Variants in EPHA3 observed in about 807,000 individuals in gnomAD.
EPHA3 encodes EPH receptor A3.
EPHA3 carries 42 observed loss-of-function variants against 107.1 expected under a neutral mutation model. The ratio of observed to expected loss-of-function variants is 0.39; its 90% CI spans 0.31 to 0.51. The LOEUF (loss-of-function observed/expected upper bound fraction) is 0.51, where lower values mean the gene tolerates loss of function less well. Among genes scored for constraint, EPHA3 ranks in the 20% least tolerant of loss-of-function variants. The probability of loss-of-function intolerance (pLI) is 0.78; values close to 1 mark genes in which losing one functional copy is unlikely to be tolerated. For synonymous variants in EPHA3, 461 were observed against 424.8 expected (o/e 1.09, Z -1.05); for missense variants, 1,183 against 1,211.2 (o/e 0.98, Z 0.35).
intron 1 of EPHA3, among the ~76,000 whole-genome samples, chr3:89,123,764 A>G (rs1399782076): frequency 1.3e-5 from 2 of 152,232 alleles, no homozygotes; most frequent in East Asian, 3.8e-4. Context: ...TAGAATCATG[A>G]CATTTAAAAA....
intron 2 of EPHA3, among the ~76,000 whole-genome samples, chr3:89,143,119 C>G (rs1468662277): frequency 6.6e-6 from 1 of 151,142 alleles, no homozygotes; most frequent in African/African-American, 2.4e-5. Context: ...TTTATAAAAT[C>G]TTTAAGTCCG....
chr3:89,215,118 T>C (rs990770834), intron 3 of EPHA3, among the ~76,000 whole-genome samples: 1 of 151,902 alleles, frequency 6.6e-6, no homozygotes, highest in East Asian at 1.9e-4. Context: ...CACCTGACTC[T>C]GGATAGAGCT....
chr3:89,354,174 C>A (rs1707895412), intron 5 of EPHA3, among the ~76,000 whole-genome samples: 1 of 151,116 alleles, frequency 6.6e-6, no homozygotes, highest in African/African-American at 2.4e-5. Flanking sequence ...ACAATAAAAT[C>A]ATATTTTATA....
chr3:89,155,686 C>G (rs1478412779), intron 2 of EPHA3, among the ~76,000 whole-genome samples: 1 of 151,966 alleles, frequency 6.6e-6, no homozygotes, highest in Admixed American at 6.6e-5. Context: ...TTTACAATTA[C>G]GTTTTAATAA....
At position 89,265,835 on chromosome 3, in the gene EPHA3, T is replaced by C. The variant is rs78579869; in HGVS notation, c.814+55315T>C. Among the ~76,000 whole-genome samples the C allele has an allele frequency of 3.6e-4, 55 of 152,250 alleles. 1 individual carries two copies. Among genetic ancestry groups the C allele is most frequent in the South Asian group, 1.0e-3 (5 of 4,820 alleles). ...AGATACCTGGGCAACCTTCTTTTTG[T>C]ACCCTCTTCCTCCATGTCAAGTTTC... On this transcript the variant is annotated intron_variant, in intron 3 of 16. Coordinates refer to ENST00000336596, the MANE Select transcript of EPHA3 (RefSeq NM_005233.6).
chr3:89,194,543 T>C (rs754177003), intron 2 of EPHA3, among the ~76,000 whole-genome samples: 5 of 152,104 alleles, frequency 3.3e-5, no homozygotes, highest in African/African-American at 1.2e-4. Flanking sequence ...CAATCTCCTA[T>C]AGAATCTATT....
chr3:89,401,204 G>A (rs974302142), intron 7 of EPHA3, among the ~76,000 whole-genome samples: 5 of 152,128 alleles, frequency 3.3e-5, no homozygotes, highest in African/African-American at 9.6e-5. Flanking sequence ...ACTTTCTGTC[G>A]GACAATTAGA....
intron 3 of EPHA3, among the ~76,000 whole-genome samples, chr3:89,216,401 A>G (rs1275268073): frequency 6.6e-6 from 1 of 151,916 alleles, no homozygotes; most frequent in African/African-American, 2.4e-5. Context: ...TCCAAGAAAA[A>G]GACATATCTA....
intron 3 of EPHA3, among the ~76,000 whole-genome samples, chr3:89,236,591 G>A (rs1371636398): frequency 2.6e-5 from 2 of 76,242 alleles, no homozygotes; most frequent in African/African-American, 1.3e-4. Context: ...TGGGGTGGGG[G>A]GAGGGGGGAG....
intron 3 of EPHA3, among the ~76,000 whole-genome samples, chr3:89,251,801 A>G (rs1367371813): frequency 6.6e-6 from 1 of 152,140 alleles, no homozygotes; most frequent in Non-Finnish European, 1.5e-5. Context: ...GTGTAGAAAA[A>G]AAAATCAGAT....
chr3:89,275,924 C>A (rs1368251235), intron 3 of EPHA3, among the ~76,000 whole-genome samples: 1 of 152,004 alleles, frequency 6.6e-6, no homozygotes, highest in Non-Finnish European at 1.5e-5. Context: ...ACAATATAAA[C>A]CATATTTTTC....
intron 2 of EPHA3, among the ~76,000 whole-genome samples, chr3:89,166,962 T>C (rs751938552): frequency 9.9e-5 from 15 of 152,114 alleles, no homozygotes; most frequent in Non-Finnish European, 1.9e-4. Flanking sequence ...GAAAACACAT[T>C]CCTGCAAATT....
intron 5 of EPHA3, among the ~76,000 whole-genome samples, chr3:89,356,183 A>G (rs989820925): frequency 4.0e-5 from 6 of 150,866 alleles, no homozygotes; most frequent in Non-Finnish European, 5.9e-5. Context: ...TTATGGCTGC[A>G]TAGTATTCCA....
Position 89,479,470 on chromosome 3 carries a change from A to G in EPHA3, c.2920A>G (p.Thr974Ala). 1 of 1,614,080 alleles carries G rather than the reference A, an allele frequency of 6.2e-7. No individual in the cohort carries two copies. ...KIISSIKALE[T>A]QSKNGPVPV ...CATCAGTAGCATTAAAGCTCTAGAA[A>G]CGCAATCAAAGAATGGCCCAGTTCC... The change falls in exon 17 of 17, where the codon ACG becomes GCG. Residue 974 changes from threonine to alanine, a missense_variant. Thr to Ala is a moderately conservative substitution (Grantham distance 58). Transcript: ENST00000336596.
chr3:89,248,314 G>A (rs1165326136), intron 3 of EPHA3, among the ~76,000 whole-genome samples: 2 of 152,084 alleles, frequency 1.3e-5, no homozygotes, highest in Non-Finnish European at 1.5e-5. Context: ...TCTGCAGCAA[G>A]TGCTCTGTTG....
In EPHA3 at chr3:89,350,804, G is replaced by A. The variant is rs1707794494; in HGVS notation, c.1306+8714G>A. On this transcript the variant is annotated intron_variant, in intron 5 of 16. Coordinates refer to ENST00000336596, the MANE Select transcript of EPHA3 (RefSeq NM_005233.6). ...GTACAGATGGGTTTTTGGTGTGGAT[G>A]TCCTGTCTGTTTGTTAGTTTTCCTT... Among the ~76,000 whole-genome samples the A allele has an allele frequency of 2.0e-5, 3 of 150,980 alleles. No individual in the cohort carries two copies. The Admixed American group carries it at 2.0e-4, about 10-fold the overall frequency.
intron 2 of EPHA3, among the ~76,000 whole-genome samples, chr3:89,163,292 CTT>C (rs1704990366): frequency 6.6e-6 from 1 of 151,966 alleles, no homozygotes; most frequent in South Asian, 2.1e-4. Context: ...GCAATGATGA[CTT>C]ATTTTTAATG....
At chr3:89,308,568 G>A (rs576483348) in intron 3 of EPHA3, among the ~76,000 whole-genome samples, 18 of 151,556 alleles carry the variant, frequency 1.2e-4, no homozygotes, top group African/African-American at 4.4e-4. Flanking sequence ...CAACTAAAAA[G>A]GGGACACATT....
chr3:89,423,792 G>A (rs182522059), intron 11 of EPHA3, among the ~76,000 whole-genome samples: 67 of 151,512 alleles, frequency 4.4e-4, no homozygotes, highest in Non-Finnish European at 4.4e-5. Context: ...ATAGAAAAGT[G>A]TGGTATTGTG....
Sources: allele counts gnomAD v4.1 joint callset (sites outside exome capture counted in the v4.1 genomes callset), GRCh38; gene constraint gnomAD v4.1.1; transcripts MANE v1.5; gene names NCBI Gene and HGNC (gene_info 2026-07-23, HGNC 2026-07-21).